ASCC1: variants seen among roughly 807,000 people sequenced by gnomAD.
The protein encoded by ASCC1 is activating signal cointegrator 1 complex subunit 1.
In ASCC1, 35 loss-of-function variants were observed where a neutral mutation model predicts 46.6. The observed-to-expected ratio is 0.75, with a 90% CI of 0.57 to 0.99. ASCC1 has a LOEUF of 0.99. Among genes scored for constraint, ASCC1 ranks in the 50% least tolerant of loss-of-function variants. ASCC1 has a pLI of 0.00. For synonymous variants in ASCC1, 143 were observed against 146.6 expected (o/e 0.98, Z 0.18); for missense variants, 376 against 428.7 (o/e 0.88, Z 1.09).
intron 5 of ASCC1, among the ~76,000 whole-genome samples, chr10:72,164,773 C>T (rs1226218218): frequency 2.0e-5 from 3 of 152,132 alleles, no homozygotes; most frequent in African/African-American, 7.2e-5. Context: ...CTCCTGTTTC[C>T]CCACATCTTC....
chr10:72,144,803 C>A (rs774099812), intron 7 of ASCC1, among the ~76,000 whole-genome samples: 5 of 152,040 alleles, frequency 3.3e-5, no homozygotes, highest in Non-Finnish European at 7.4e-5. Flanking sequence ...TTAGTTCTAT[C>A]ATTTTTAAAC....
chr10:72,158,124 C>T (rs997380710), intron 6 of ASCC1, among the ~76,000 whole-genome samples: 6 of 152,138 alleles, frequency 3.9e-5, no homozygotes, highest in African/African-American at 1.4e-4. Context: ...CTGTTTCAAC[C>T]CACCCCTGAG....
chr10:72,119,190 T>C (rs1440447260), intron 9 of ASCC1, among the ~76,000 whole-genome samples: 5 of 152,240 alleles, frequency 3.3e-5, no homozygotes, highest in Admixed American at 2.0e-4. Flanking sequence ...AAAGTTTTTG[T>C]AATTTTACCT....
chr10:72,174,618 G>C (rs1851641436), intron 5 of ASCC1, among the ~76,000 whole-genome samples: 1 of 152,176 alleles, frequency 6.6e-6, no homozygotes. Context: ...ATAGCTCTCT[G>C]CCTTGGTGGT....
Position 72,152,904 on chromosome 10 carries a change from A to C in ASCC1, c.711T>G (p.Leu237=), listed in dbSNP as rs776371123. 2.5e-6 allele frequency: 4 copies of C among 1,614,156 alleles called. No individual in the cohort carries two copies. The highest frequency in any genetic ancestry group is 3.4e-6 in the Non-Finnish European group (4 of 1,180,012). Residue 237 remains leucine, a synonymous_variant, in exon 7 of 10, where the codon CTT becomes CTG. Transcript: ENST00000672957. ...CATCTTTCATATGGACTTTGGCGTA[A>C]AGAACATCCACCATGCCAGGATCAT... ...MNDDPGMVDV[L]YAKVHMKDGS... is the part of the protein sequence containing the mutation.
rs1039304168 is a variant in ASCC1, at chr10:72,210,834, G to A, written c.113-3C>T. The A allele has an allele frequency of 1.9e-6, 3 of 1,613,098 alleles. No individual in the cohort carries two copies. In the Admixed American group the frequency reaches 5.0e-5, roughly 27 times the overall value. ...CTCATCAGCACACTCCATGGAGCCT[G>A]CACAGAAACCATCACATCTCACTCA... On this transcript the variant is annotated splice_polypyrimidine_tract_variant and splice_region_variant and intron_variant, in intron 2 of 9. Transcript: ENST00000672957.
chr10:72,117,504 C>T (rs192257957), intron 9 of ASCC1, among the ~76,000 whole-genome samples: 24 of 152,300 alleles, frequency 1.6e-4, no homozygotes, highest in African/African-American at 5.5e-4. Flanking sequence ...ATATTTTCCC[C>T]TCATATTTTC....
At chr10:72,169,619 G>T (rs552988547) in intron 5 of ASCC1, among the ~76,000 whole-genome samples, 2 of 152,122 alleles carry the variant, frequency 1.3e-5, no homozygotes, top group South Asian at 4.1e-4. Context: ...GGGGCAGAAA[G>T]AATACAAGAA....
chr10:72,107,003 G>A (rs371709141), intron 9 of ASCC1, among the ~76,000 whole-genome samples: 1 of 152,140 alleles, frequency 6.6e-6, no homozygotes, highest in South Asian at 2.1e-4. Context: ...AGCAAAGAAT[G>A]AGGAGCAAAT....
At chr10:72,183,134 C>T (rs1208321253) in intron 5 of ASCC1, among the ~76,000 whole-genome samples, 1 of 151,724 alleles carries the variant, frequency 6.6e-6, no homozygotes, top group Non-Finnish European at 1.5e-5. Context: ...CCTCCACCTC[C>T]TAAGTTCAAG....
chr10:72,126,730 T>C (rs987185847), intron 9 of ASCC1, among the ~76,000 whole-genome samples: 1 of 151,974 alleles, frequency 6.6e-6, no homozygotes, highest in African/African-American at 2.4e-5. Context: ...TACTGGAAAA[T>C]CCCCAAAGAA....
intron 6 of ASCC1, among the ~76,000 whole-genome samples, chr10:72,160,092 G>A (rs1849464377): frequency 6.6e-6 from 1 of 152,020 alleles, no homozygotes; most frequent in Non-Finnish European, 1.5e-5. Context: ...TTTTAGTAGA[G>A]ACAAGGTTTC....
intron 5 of ASCC1, among the ~76,000 whole-genome samples, chr10:72,176,961 C>T (rs143000342): frequency 6.6e-6 from 1 of 152,008 alleles, no homozygotes; most frequent in East Asian, 1.9e-4. Flanking sequence ...TCTGGGTACA[C>T]ACTGCACTTA....
intron 7 of ASCC1, among the ~76,000 whole-genome samples, chr10:72,148,955 T>C (rs1847952475): frequency 6.6e-6 from 1 of 152,134 alleles, no homozygotes; most frequent in African/African-American, 2.4e-5. Flanking sequence ...TAACTACATA[T>C]CTGTATCTGT....
intron 9 of ASCC1, among the ~76,000 whole-genome samples, chr10:72,108,623 G>A (rs75253663): frequency 0.021 from 3,219 of 152,214 alleles, 59 homozygotes; most frequent in Middle Eastern, 0.034. Context: ...TTTAAAAACT[G>A]AGTTCTGATC....
At chr10:72,166,624 A>G (rs934306839) in intron 5 of ASCC1, among the ~76,000 whole-genome samples, 1 of 152,220 alleles carries the variant, frequency 6.6e-6, no homozygotes, top group Admixed American at 6.5e-5. Flanking sequence ...GTGCTTCAAC[A>G]GATATCATCA....
At chr10:72,124,528 C>G (rs1364368538) in intron 9 of ASCC1, among the ~76,000 whole-genome samples, 2 of 152,152 alleles carry the variant, frequency 1.3e-5, no homozygotes, top group African/African-American at 4.8e-5. Context: ...GCTGAGAGCA[C>G]AATCTTGGAA....
intron 9 of ASCC1, among the ~76,000 whole-genome samples, chr10:72,117,907 G>GC (rs1843684724): frequency 6.6e-6 from 1 of 152,200 alleles, no homozygotes; most frequent in African/African-American, 2.4e-5. Context: ...AGGCACAAGA[G>GC]CCATGGTGAA....
intron 4 of ASCC1, among the ~76,000 whole-genome samples, chr10:72,199,259 G>A (rs1391642916): frequency 6.0e-5 from 9 of 150,992 alleles, no homozygotes; most frequent in African/African-American, 2.2e-4. Flanking sequence ...AAGTAGCTGG[G>A]AATACGGGTG....
Sources: gnomAD v4.1 joint callset for allele counts (sites outside exome capture counted in the v4.1 genomes callset) on GRCh38, gnomAD v4.1.1 for gene constraint, MANE v1.5 for transcripts, NCBI Gene and HGNC (gene_info 2026-07-23, HGNC 2026-07-21) for gene names.